Variants in GALNTL5 observed in about 807,000 individuals in gnomAD.
GALNTL5 encodes the protein polypeptide N-acetylgalactosaminyltransferase like 5, also known as inactive polypeptide N-acetylgalactosaminyltransferase-like protein 5.
GALNTL5 carries 44 observed loss-of-function variants against 51.0 expected under a neutral mutation model. The ratio of observed to expected loss-of-function variants is 0.86; its 90% CI spans 0.68 to 1.11. The LOEUF (loss-of-function observed/expected upper bound fraction) is 1.11, where lower values mean the gene tolerates loss of function less well. Ranked by LOEUF, GALNTL5 falls within the 50% of genes least tolerant of loss-of-function variation. The probability of loss-of-function intolerance (pLI) is 0.00; values close to 1 mark genes in which losing one functional copy is unlikely to be tolerated. For missense variants in GALNTL5, 528 were observed against 531.8 expected (o/e 0.99, Z 0.07); for synonymous variants, 192 against 182.8 (o/e 1.05, Z -0.41).
intron 7 of GALNTL5, among the ~76,000 whole-genome samples, chr7:152,009,098 T>G (rs888469176): frequency 6.6e-6 from 1 of 152,214 alleles, no homozygotes; most frequent in African/African-American, 2.4e-5. Flanking sequence ...TTAAATATAC[T>G]TGGGTGTCTT....
intron 5 of GALNTL5, 95 bp from the exon 6 acceptor site, chr7:152,002,619 A>T: frequency 7.4e-7 from 1 of 1,347,826 alleles, no homozygotes; most frequent in Non-Finnish European, 1.0e-6. Flanking sequence ...CACATAGTAA[A>T]TGCTCAAGAA....
At chr7:151,981,863 G>C (rs1215948167) in intron 3 of GALNTL5, among the ~76,000 whole-genome samples, 2 of 150,590 alleles carry the variant, frequency 1.3e-5, no homozygotes, top group African/African-American at 4.9e-5. Context: ...GTCCAGGCTG[G>C]TCTCGAACTC....
At chr7:151,978,142 C>T (rs1358503057) in intron 3 of GALNTL5, among the ~76,000 whole-genome samples, 2 of 152,032 alleles carry the variant, frequency 1.3e-5, no homozygotes, top group Admixed American at 1.3e-4. Flanking sequence ...TATAATAATA[C>T]ATTTATAAAT....
intron 5 of GALNTL5, among the ~76,000 whole-genome samples, chr7:152,001,228 T>C (rs2081576432): frequency 1.3e-5 from 2 of 151,938 alleles, no homozygotes; most frequent in South Asian, 4.2e-4. Flanking sequence ...TTTTTTTCAT[T>C]TTCTCGATTG....
In GALNTL5 at chr7:151,983,108, A is replaced by G; in HGVS notation, c.491A>G (p.Tyr164Cys). 6.2e-7 allele frequency: 1 copy of G among 1,614,130 alleles called. No individual in the cohort carries two copies. Among genetic ancestry groups the G allele is most frequent in the South Asian group, 1.1e-5 (1 of 91,084 alleles). The change falls in exon 4 of 9, where the codon TAT becomes TGT. Residue 164 changes from tyrosine to cysteine, a missense_variant. Coordinates refer to ENST00000392800, the MANE Select transcript of GALNTL5 (RefSeq NM_145292.4). ...AGTGTCACGAACCTCACGCCACACT[A>G]TTTTCTTGAAGAAATTATTTTGGTA... ...MSSVTNLTPH[Y>C]FLEEIILVDD...
In GALNTL5 at chr7:152,011,012, G is replaced by A. The variant is rs960643896; in HGVS notation, c.1026+3068G>A. 5.3e-5 allele frequency among the ~76,000 whole-genome samples: 8 copies of A among 152,124 alleles called. No homozygotes were observed. In the East Asian group the frequency reaches 1.5e-3, roughly 29 times the overall value. ...CTCATTTAATCCTCCTAACAAACCT[G>A]TAAGGTAAGTACCACCATTATCTCT... is the stretch of plus-strand genomic sequence containing the variant. On this transcript the variant is annotated intron_variant, in intron 7 of 8. Transcript: ENST00000392800.
intron 5 of GALNTL5, among the ~76,000 whole-genome samples, chr7:152,000,061 A>C (rs2081552208): frequency 1.3e-5 from 2 of 152,338 alleles, no homozygotes; most frequent in South Asian, 2.1e-4. Context: ...AATACAATAA[A>C]ATTGGAAATA....
chr7:152,010,854 C>G (rs1419641420), intron 7 of GALNTL5, among the ~76,000 whole-genome samples: 1 of 152,012 alleles, frequency 6.6e-6, no homozygotes, highest in Non-Finnish European at 1.5e-5. Context: ...CTAGCCTTCT[C>G]TTGGGGGATT....
chr7:151,990,472 T>G (rs1277637942), intron 5 of GALNTL5, among the ~76,000 whole-genome samples: 1 of 147,036 alleles, frequency 6.8e-6, no homozygotes, highest in Non-Finnish European at 1.5e-5. Flanking sequence ...TCCCAGCTAC[T>G]CGGGAGGCTG....
At chr7:152,005,410 C>T (rs796538610) in intron 6 of GALNTL5, among the ~76,000 whole-genome samples, 31 of 152,332 alleles carry the variant, frequency 2.0e-4, no homozygotes, top group African/African-American at 7.0e-4. Context: ...TCTCAGACCA[C>T]AGCTGACTCC....
At chr7:151,979,699 C>T (rs1459933777) in intron 3 of GALNTL5, among the ~76,000 whole-genome samples, 4 of 151,670 alleles carry the variant, frequency 2.6e-5, no homozygotes, top group African/African-American at 7.3e-5. Flanking sequence ...TCTGGTGATC[C>T]GCCCACCTTG....
chr7:151,988,215 C>T (rs544486618), intron 5 of GALNTL5, among the ~76,000 whole-genome samples: 227 of 152,286 alleles, frequency 1.5e-3, no homozygotes, highest in African/African-American at 5.2e-3. Context: ...CCATGGCTGG[C>T]CAAGGGCAGT....
intron 5 of GALNTL5, among the ~76,000 whole-genome samples, chr7:152,001,091 T>G (rs2081572764): frequency 1.3e-5 from 2 of 150,342 alleles, no homozygotes; most frequent in Non-Finnish European, 2.9e-5. Context: ...TTTTGTATTT[T>G]TAATAGAGAC....
In GALNTL5 at chr7:151,967,250, A is replaced by T. The variant is rs2081071728; in HGVS notation, c.4A>T (p.Arg2Ter). Residue 2 changes from arginine (R) to a stop codon, truncating the protein, a stop_gained, in exon 2 of 9, where the codon AGA becomes TGA. Transcript: ENST00000392800. LOFTEE classifies it high-confidence loss of function. ...CTTTGAAAATGCTAGATTTACAATGAGAAATGCCATAATTCAAGGTTTATT... is the reference window on the plus strand; with the variant it reads ...CTTTGAAAATGCTAGATTTACAATGTGAAATGCCATAATTCAAGGTTTATT... M[R>*]NAIIQGLFYG... 6.2e-7 allele frequency: 1 copy of T among 1,608,668 alleles called. No individual in the cohort carries two copies. The highest frequency in any genetic ancestry group is 1.7e-5 in the Admixed American group (1 of 58,896).
At chr7:152,004,928 C>T (rs2081625500) in intron 6 of GALNTL5, among the ~76,000 whole-genome samples, 1 of 152,136 alleles carries the variant, frequency 6.6e-6, no homozygotes, top group Admixed American at 6.5e-5. Context: ...TGGCAGGTAT[C>T]TTTTTGACAC....
intron 3 of GALNTL5, among the ~76,000 whole-genome samples, chr7:151,976,554 G>GT (rs2081208209): frequency 6.6e-6 from 1 of 151,826 alleles, no homozygotes; most frequent in African/African-American, 2.4e-5. Flanking sequence ...CATCAGTTAG[G>GT]TCTTGTTTTT....
chr7:151,974,472 G>A (rs959638968), intron 3 of GALNTL5, among the ~76,000 whole-genome samples: 2 of 152,202 alleles, frequency 1.3e-5, no homozygotes, highest in African/African-American at 4.8e-5. Flanking sequence ...CCATGAAACA[G>A]GAGAAAGCAG....
intron 1 of GALNTL5, among the ~76,000 whole-genome samples, chr7:151,961,492 CAG>C (rs2151936202): frequency 6.6e-6 from 1 of 152,318 alleles, no homozygotes; most frequent in East Asian, 1.9e-4. Flanking sequence ...GCCTGGGTGA[CAG>C]AGCTAGACCC....
chr7:151,994,689 CA>C (rs1371483208), intron 5 of GALNTL5, among the ~76,000 whole-genome samples: 18 of 152,110 alleles, frequency 1.2e-4, no homozygotes, highest in Non-Finnish European at 2.6e-4. Flanking sequence ...GCCACTTTAT[CA>C]CCATAGTCTT....
Sources: gnomAD v4.1 joint callset for allele counts (sites outside exome capture counted in the v4.1 genomes callset) on GRCh38, gnomAD v4.1.1 for gene constraint, MANE v1.5 for transcripts, NCBI Gene and HGNC (gene_info 2026-07-23, HGNC 2026-07-21) for gene names.